The following DIS3L2 variants were observed in gnomAD, a reference collection of about 807,000 sequenced individuals.
The protein encoded by DIS3L2 is DIS3-like exonuclease 2.
A neutral mutation model predicts 97.5 loss-of-function variants in DIS3L2; 34 were observed. That is an observed-to-expected ratio of 0.35 (90% CI 0.27 to 0.46). The LOEUF is 0.46. Among genes scored for constraint, DIS3L2 ranks in the 20% least tolerant of loss-of-function variants. DIS3L2 has a pLI of 1.00. For missense variants in DIS3L2, 1,038 were observed against 1,146.0 expected (o/e 0.91, Z 1.36); for synonymous variants, 435 against 445.2 (o/e 0.98, Z 0.29).
chr2:232,293,151 A>T lies in DIS3L2; in HGVS notation c.1660-6889A>T, dbSNP rs1694644808. ...CCTGATAGCTAGGAAGTATCTAGTGAGCATTGTTGAGGGAAGGAGCTTGTG... is the reference window on the plus strand; with the variant it reads ...CCTGATAGCTAGGAAGTATCTAGTGTGCATTGTTGAGGGAAGGAGCTTGTG... On this transcript the variant is annotated intron_variant, in intron 13 of 20. Coordinates refer to ENST00000325385, the MANE Select transcript of DIS3L2 (RefSeq NM_152383.5). The surrounding 1 kb of genome is among the most constrained non-coding windows in gnomAD (Gnocchi z 4.6). Among the ~76,000 whole-genome samples the T allele has an allele frequency of 6.6e-6, 1 of 151,884 alleles. No individual in the cohort carries two copies. Among genetic ancestry groups the T allele is most frequent in the Non-Finnish European group, 1.5e-5 (1 of 68,016 alleles).
chr2:232,013,277 A>G (rs1694262838), intron 1 of DIS3L2, among the ~76,000 whole-genome samples: 1 of 152,162 alleles, frequency 6.6e-6, no homozygotes, highest in Admixed American at 6.5e-5. Flanking sequence ...GTACCAGGTT[A>G]ATTTTTCCTG....
chr2:232,288,707 G>A (rs924752231), intron 13 of DIS3L2, among the ~76,000 whole-genome samples: 1 of 152,168 alleles, frequency 6.6e-6, no homozygotes, highest in African/African-American at 2.4e-5. Context: ...GTATTGTATG[G>A]GAATGTCCCG....
chr2:232,333,427 GGTGCTC>G (rs1313094533), intron 16 of DIS3L2, among the ~76,000 whole-genome samples: 4 of 151,954 alleles, frequency 2.6e-5, no homozygotes, highest in African/African-American at 9.7e-5. Context: ...CCCTCCTGGT[GGTGCTC>G]AGCAGTGACT....
chr2:232,073,334 T>C (rs1286004026), intron 5 of DIS3L2, among the ~76,000 whole-genome samples: 2 of 152,146 alleles, frequency 1.3e-5, no homozygotes, highest in African/African-American at 4.8e-5. Flanking sequence ...GCTCAGGTAG[T>C]GGGGTGGACA....
intron 8 of DIS3L2, among the ~76,000 whole-genome samples, chr2:232,148,969 A>G (rs1029553319): frequency 2.0e-5 from 3 of 148,074 alleles, no homozygotes; most frequent in African/African-American, 5.0e-5. Flanking sequence ...TTTAGTATTG[A>G]CACTTAAAAT....
intron 1 of DIS3L2, among the ~76,000 whole-genome samples, chr2:231,974,726 T>G (rs913197326): frequency 4.6e-5 from 7 of 152,196 alleles, no homozygotes; most frequent in African/African-American, 1.7e-4. Context: ...ATAATGCTTA[T>G]ATTTCTTGAT....
chr2:232,182,273 C>T (rs1691306859), intron 9 of DIS3L2, among the ~76,000 whole-genome samples: 1 of 151,668 alleles, frequency 6.6e-6, no homozygotes, highest in South Asian at 2.1e-4. Flanking sequence ...TTTCTAATTC[C>T]ATTCTATTTT....
chr2:232,212,517 C>T (rs1265658259), intron 10 of DIS3L2, among the ~76,000 whole-genome samples: 1 of 152,090 alleles, frequency 6.6e-6, no homozygotes, highest in East Asian at 1.9e-4. Context: ...TGTCTAGGGC[C>T]CAAGTGTGTC....
At chr2:232,271,140 C>T (rs918839991) in intron 13 of DIS3L2, among the ~76,000 whole-genome samples, 4 of 152,174 alleles carry the variant, frequency 2.6e-5, no homozygotes, top group African/African-American at 9.7e-5. Context: ...AGGTGGTTGA[C>T]AGTATCTTGC....
Position 232,337,018 on chromosome 2 carries a change from A to G in DIS3L2, c.*388A>G, listed in dbSNP as rs558300176. The G allele has an allele frequency of 2.7e-5, 30 of 1,093,358 alleles. No homozygotes were observed. In the African/African-American group the frequency reaches 5.1e-4, roughly 19 times the overall value. The allele number at this position is 1,093,358 out of a possible 1,614,324, so 67.7% of individuals were successfully genotyped here. A position where few individuals can be genotyped will look rare whatever the true frequency, so the allele number is the denominator to read the frequency against. ...GCCTCTGGGAAGCCTGGGCAGCAGA[A>G]TGCCCCTTGCACCCAGGGCAAGGGA... is the stretch of plus-strand genomic sequence containing the variant. On this transcript the variant is annotated 3_prime_UTR_variant, in exon 21 of 21. Coordinates refer to ENST00000325385, the MANE Select transcript of DIS3L2 (RefSeq NM_152383.5).
rs144754400 is a variant in DIS3L2, at chr2:232,157,610, GAGTA to G, written c.951-5845_951-5842del. On this transcript the variant is annotated intron_variant, in intron 8 of 20. Transcript: ENST00000325385. ...AGAAGAAATGCAGATAGCAAACCTA[GAGTA>G]AGTGTCTCTTTTAGTGGAGGAATTA... is the stretch of plus-strand genomic sequence containing the variant. Among the ~76,000 whole-genome samples, 294 of 152,314 alleles carry G rather than the reference GAGTA, an allele frequency of 1.9e-3. 9 individuals carry two copies. The East Asian group carries it at 0.045, about 23-fold the overall frequency.
At chr2:232,001,697 A>C in intron 1 of DIS3L2, among the ~76,000 whole-genome samples, 1 of 136,036 alleles carries the variant, frequency 7.4e-6, no homozygotes, top group African/African-American at 2.7e-5. Flanking sequence ...GTCAGGCCTT[A>C]CATTTAAATC....
intron 6 of DIS3L2, among the ~76,000 whole-genome samples, chr2:232,120,753 G>A (rs1364600838): frequency 6.6e-6 from 1 of 152,062 alleles, no homozygotes; most frequent in Non-Finnish European, 1.5e-5. Context: ...GTGATCCCCT[G>A]CAGCTTACAG....
chr2:232,270,973 C>G (rs879300075), intron 13 of DIS3L2, among the ~76,000 whole-genome samples: 1 of 150,906 alleles, frequency 6.6e-6, no homozygotes, highest in Non-Finnish European at 1.5e-5. Flanking sequence ...TCTGAAATAT[C>G]CCAGTGGTTG....
At chr2:232,174,083 A>G (rs1431732767) in intron 9 of DIS3L2, among the ~76,000 whole-genome samples, 1 of 152,172 alleles carries the variant, frequency 6.6e-6, no homozygotes, top group East Asian at 1.9e-4. Context: ...ATGTCTGTCC[A>G]TTAATTAGGT....
exon 14 of DIS3L2, chr2:232,343,407 T>G: frequency 6.4e-7 from 1 of 1,556,800 alleles, no homozygotes; most frequent in Admixed American, 1.9e-5. Flanking sequence ...CTGCTGAAGA[T>G]GCAGAAGCAC....
intron 1 of DIS3L2, among the ~76,000 whole-genome samples, chr2:231,967,726 T>C (rs1200059420): frequency 6.6e-6 from 1 of 152,230 alleles, no homozygotes; most frequent in Admixed American, 6.5e-5. Flanking sequence ...ACTGAATTTT[T>C]GCCAGTTCAA....
At chr2:231,962,583 C>T (rs529114100) in intron 1 of DIS3L2, among the ~76,000 whole-genome samples, 4 of 152,140 alleles carry the variant, frequency 2.6e-5, no homozygotes, top group South Asian at 4.2e-4. Context: ...TACAGGCGCC[C>T]GCCACCCCGC....
chr2:232,154,194 C>T (rs1197749577), intron 8 of DIS3L2, among the ~76,000 whole-genome samples: 5 of 28,946 alleles, frequency 1.7e-4, no homozygotes, highest in East Asian at 7.2e-4. Flanking sequence ...AAGCCTTCTT[C>T]TCTCAGCTCG....
Sources: allele counts gnomAD v4.1 joint callset (sites outside exome capture counted in the v4.1 genomes callset), GRCh38; gene constraint gnomAD v4.1.1; non-coding constraint Gnocchi (gnomAD v3.1); transcripts MANE v1.5; gene names NCBI Gene and HGNC (gene_info 2026-07-23, HGNC 2026-07-21).